Variants in PRIM2 observed in about 807,000 individuals in gnomAD.
PRIM2 encodes DNA primase subunit 2.
PRIM2 carries 39 observed loss-of-function variants against 67.3 expected under a neutral mutation model. The observed-to-expected ratio is 0.58, with a 90% confidence interval of 0.45 to 0.76. The LOEUF is 0.76. Among genes scored for constraint, PRIM2 ranks in the 30% least tolerant of loss-of-function variants. PRIM2 has a pLI of 0.00. For missense variants in PRIM2, 398 were observed against 598.7 expected, an observed-to-expected ratio of 0.66 and a Z score of 3.50; for synonymous variants, 143 against 198.7, an observed-to-expected ratio of 0.72 and a Z score of 2.36.
rs1362826866 is a variant in PRIM2, at chr6:57,478,337, G to T, written c.694-29050G>T. ...GTTGTTGTGGTTGTGTTTTTTTTTT[G>T]TTTTTTTTTTTTTGAGAGAGATTCT... is the stretch of plus-strand genomic sequence containing the variant. On this transcript the variant is annotated intron_variant, in intron 7 of 13. Coordinates refer to ENST00000615550, the MANE Select transcript of PRIM2 (RefSeq NM_000947.5). Among the ~76,000 whole-genome samples the T allele has an allele frequency of 2.2e-3, 282 of 130,596 alleles. 1 individual carries two copies. The highest frequency in any genetic ancestry group is 6.6e-3 in the African/African-American group (216 of 32,972). The allele number at this position is 130,596 out of a possible 152,430, so 85.7% of individuals were successfully genotyped here.
intron 10 of PRIM2, among the ~76,000 whole-genome samples, chr6:57,550,300 T>C (rs1477406855): frequency 6.6e-6 from 1 of 152,186 alleles, no homozygotes; most frequent in Non-Finnish European, 1.5e-5. Flanking sequence ...GTTTAATTCT[T>C]CTCTTGATGC....
chr6:57,626,778 C>A (rs1243890156), intron 12 of PRIM2, among the ~76,000 whole-genome samples: 15 of 152,000 alleles, frequency 9.9e-5, no homozygotes, highest in Non-Finnish European at 5.9e-5. Context: ...GCATGTGCCA[C>A]CATGCCTGGT....
intron 5 of PRIM2, among the ~76,000 whole-genome samples, chr6:57,335,980 A>G (rs1768231265): frequency 6.6e-6 from 1 of 152,078 alleles, no homozygotes. Flanking sequence ...AGAAGAATGT[A>G]TAACTAGAAT....
chr6:57,482,805 G>A (rs1477050823), intron 7 of PRIM2, among the ~76,000 whole-genome samples: 1 of 152,176 alleles, frequency 6.6e-6, no homozygotes, highest in Non-Finnish European at 1.5e-5. Context: ...CTATTTTATA[G>A]ACTCAAGAGG....
At chr6:57,469,140 T>C (rs1364119083) in intron 7 of PRIM2, among the ~76,000 whole-genome samples, 4 of 152,238 alleles carry the variant, frequency 2.6e-5, no homozygotes, top group Admixed American at 2.0e-4. Context: ...TGATAATTGA[T>C]ATTCTGTATG....
rs1312195568 is a variant in PRIM2 at position 57,615,147 on chromosome 6, G to A, written c.1230+8690G>A. On this transcript the variant is annotated intron_variant, in intron 12 of 13. Coordinates refer to ENST00000615550, the MANE Select transcript of PRIM2 (RefSeq NM_000947.5). Reference sequence around the variant, plus strand: ...ATACAGAAATTTTAGAGCTGGGTGCGGTGGCTCATGCCTGAATCCCAGCAC... The same window carrying A: ...ATACAGAAATTTTAGAGCTGGGTGCAGTGGCTCATGCCTGAATCCCAGCAC... Among the ~76,000 whole-genome samples, 13 of 152,168 alleles carry A rather than the reference G, an allele frequency of 8.5e-5. No individual in the cohort carries two copies. In the South Asian group the frequency reaches 1.9e-3, roughly 22 times the overall value.
intron 7 of PRIM2, among the ~76,000 whole-genome samples, chr6:57,499,627 C>T (rs1554346670): frequency 1.3e-5 from 2 of 152,190 alleles, no homozygotes; most frequent in Non-Finnish European, 2.9e-5. Flanking sequence ...AAAAAACACA[C>T]GTTTCCCTTT....
the PRIM2 span, chr6:57,222,267 T>C: frequency 6.6e-6 from 1 of 152,420 alleles, no homozygotes; most frequent in Admixed American, 6.5e-5. Flanking sequence ...CGCGGGAGTC[T>C]CGACTCCCCT....
At chr6:57,437,096 G>A (rs531711462) in intron 7 of PRIM2, among the ~76,000 whole-genome samples, 1 of 152,302 alleles carries the variant, frequency 6.6e-6, no homozygotes, top group South Asian at 2.1e-4. Context: ...ATGGCAGAAG[G>A]CAAAACAGGA....
At chr6:57,377,528 G>A (rs1769810229) in intron 5 of PRIM2, among the ~76,000 whole-genome samples, 1 of 151,388 alleles carries the variant, frequency 6.6e-6, no homozygotes. Context: ...GCTGGTCCAG[G>A]CTAATTTTAA....
intron 10 of PRIM2, among the ~76,000 whole-genome samples, chr6:57,559,387 G>A (rs1481056308): frequency 3.3e-5 from 5 of 152,056 alleles, no homozygotes; most frequent in Non-Finnish European, 7.4e-5. Flanking sequence ...GTGAATTTTT[G>A]CAGTCTTTTT....
chr6:57,296,794 C>G, the PRIM2 span, among the ~76,000 whole-genome samples: 1 of 152,038 alleles, frequency 6.6e-6, no homozygotes, highest in South Asian at 2.1e-4. Context: ...TAAAAAGAAC[C>G]AGGGCTCTTT....
At chr6:57,521,332 C>T (rs1774614358) in intron 8 of PRIM2, among the ~76,000 whole-genome samples, 1 of 125,010 alleles carries the variant, frequency 8.0e-6, no homozygotes, top group African/African-American at 3.0e-5. Flanking sequence ...ACTGTGCTTT[C>T]TAAATGTCTG....
At chr6:57,465,388 TG>T (rs1773150177) in intron 7 of PRIM2, among the ~76,000 whole-genome samples, 1 of 152,190 alleles carries the variant, frequency 6.6e-6, no homozygotes, top group South Asian at 2.1e-4. Flanking sequence ...GCAGCTATAC[TG>T]GGTTTCCAGA....
intron 5 of PRIM2, among the ~76,000 whole-genome samples, chr6:57,374,756 A>T (rs1406572625): frequency 6.6e-6 from 1 of 151,866 alleles, no homozygotes; most frequent in African/African-American, 2.4e-5. Flanking sequence ...ATGTCCGGCT[A>T]ATTTTTGTAT....
At chr6:57,539,615 TG>T (rs1775095927) in intron 10 of PRIM2, among the ~76,000 whole-genome samples, 2 of 70,774 alleles carry the variant, frequency 2.8e-5, no homozygotes. Flanking sequence ...ATATTCTTTG[TG>T]TGTGTGTGTG....
At chr6:57,550,671 T>C (rs1406636613) in intron 10 of PRIM2, among the ~76,000 whole-genome samples, 2 of 152,192 alleles carry the variant, frequency 1.3e-5, no homozygotes, top group East Asian at 3.8e-4. Context: ...TATGCTGATA[T>C]ATTAAAATGA....
chr6:57,537,186 AAAAT>A (rs1775019182), intron 9 of PRIM2, among the ~76,000 whole-genome samples: 1 of 152,200 alleles, frequency 6.6e-6, no homozygotes, highest in African/African-American at 2.4e-5. Context: ...AAAAACAGGT[AAAAT>A]AAATTTTAAT....
At chr6:57,631,278 T>G (rs1777034967) in intron 12 of PRIM2, among the ~76,000 whole-genome samples, 5 of 152,330 alleles carry the variant, frequency 3.3e-5, no homozygotes, top group Admixed American at 1.3e-4. Context: ...TCCAGAATTA[T>G]GTTTCCATTC....
Sources: allele counts gnomAD v4.1 joint callset (sites outside exome capture counted in the v4.1 genomes callset), GRCh38; gene constraint gnomAD v4.1.1; transcripts MANE v1.5; gene names NCBI Gene and HGNC (gene_info 2026-07-23, HGNC 2026-07-21).